METAP1D: variants seen among roughly 807,000 people sequenced by gnomAD.
METAP1D encodes the protein methionyl aminopeptidase type 1D, mitochondrial.
METAP1D carries 31 observed loss-of-function variants against 40.5 expected under a neutral mutation model. That is an observed-to-expected ratio of 0.77 (90% confidence interval 0.58 to 1.03). The LOEUF (loss-of-function observed/expected upper bound fraction) is 1.03, where lower values mean the gene tolerates loss of function less well. Among genes scored for constraint, METAP1D ranks in the 50% least tolerant of loss-of-function variants. The pLI is 0.00. For missense variants in METAP1D, 411 were observed against 420.7 expected, an observed-to-expected ratio of 0.98 and a Z score of 0.20; for synonymous variants, 151 against 146.4, an observed-to-expected ratio of 1.03 and a Z score of -0.22.
chr2:172,068,396 A>AAAAT (rs980517630), intron 5 of METAP1D, among the ~76,000 whole-genome samples: 9 of 152,264 alleles, frequency 5.9e-5, no homozygotes, highest in South Asian at 4.1e-4. Flanking sequence ...TCTGTCTCAA[A>AAAAT]AAATAAATAA....
intron 1 of METAP1D, among the ~76,000 whole-genome samples, chr2:172,023,825 A>G (rs1689059008): frequency 6.6e-6 from 1 of 151,418 alleles, no homozygotes. Context: ...TAATTGTCAA[A>G]TCTAGGTAGT....
At chr2:172,032,828 CG>C (rs1689269578) in intron 1 of METAP1D, among the ~76,000 whole-genome samples, 1 of 152,060 alleles carries the variant, frequency 6.6e-6, no homozygotes, top group East Asian at 1.9e-4. Flanking sequence ...GTTGGGAGGC[CG>C]AGGCAGGTGG....
intron 2 of METAP1D, 63 bp from the exon 3 acceptor site, chr2:172,063,648 A>C: frequency 1.5e-6 from 2 of 1,303,962 alleles, no homozygotes; most frequent in Non-Finnish European, 2.2e-6. Flanking sequence ...GCTGTGTCTG[A>C]AAAAATGATC....
At chr2:172,079,072 T>G in intron 7 of METAP1D, 143 bp from the exon 8 acceptor site, 1 of 766,696 alleles carries the variant, frequency 1.3e-6, no homozygotes, top group East Asian at 2.6e-5. Context: ...TATCCAGGAC[T>G]CCAGAAATCT....
chr2:172,079,159 T>C (rs990328881), intron 7 of METAP1D, 56 bp from the exon 8 acceptor site: 3 of 1,586,804 alleles, frequency 1.9e-6, no homozygotes, highest in Admixed American at 3.4e-5. Flanking sequence ...TAATCTGTTT[T>C]TTTTTTCTGT....
Position 172,082,304 on chromosome 2 carries a change from G to A in METAP1D, c.*1898G>A, listed in dbSNP as rs1280171662. 3 of 152,208 alleles carry A rather than the reference G, an allele frequency of 2.0e-5. No individual in the cohort carries two copies. The highest frequency in any genetic ancestry group is 7.2e-5 in the African/African-American group (3 of 41,452). 9.4% of individuals were successfully genotyped at this position (152,208 alleles called of 1,614,324 possible). ...TTTACTCCGAGGTTCCCCAAGGATA[G>A]TTTTATTAGGACCACAGGACTTTAC... On this transcript the variant is annotated 3_prime_UTR_variant, in exon 10 of 10. Coordinates refer to ENST00000315796, the MANE Select transcript of METAP1D (RefSeq NM_199227.3).
chr2:172,005,520 TTA>T (rs34982215), intron 1 of METAP1D, among the ~76,000 whole-genome samples: 2,923 of 110,854 alleles, frequency 0.026, 126 homozygotes, highest in African/African-American at 0.08. Flanking sequence ...TGTCTGTATT[TTA>T]TATATATATA....
At chr2:172,056,378 T>C (rs992827136) in intron 1 of METAP1D, among the ~76,000 whole-genome samples, 1 of 152,232 alleles carries the variant, frequency 6.6e-6, no homozygotes. Context: ...CAAGATCACA[T>C]AGCTCTTAGC....
chr2:172,016,048 G>A (rs1300165954), intron 1 of METAP1D, among the ~76,000 whole-genome samples: 1 of 149,460 alleles, frequency 6.7e-6, no homozygotes, highest in Non-Finnish European at 1.5e-5. Context: ...CTTGAGGTCA[G>A]GAGTTCGAGA....
At chr2:172,018,126 C>CAA (rs34937813) in intron 1 of METAP1D, among the ~76,000 whole-genome samples, 23 of 76,674 alleles carry the variant, frequency 3.0e-4, no homozygotes, top group East Asian at 4.2e-4. Flanking sequence ...GACTCTGTCT[C>CAA]AAAAAAAAAA....
Position 172,042,219 on chromosome 2 carries a change from A to G in METAP1D, c.41-19279A>G, listed in dbSNP as rs1458474379. ...TACACATATACATATGTATGTGTAC[A>G]TGTGTACACATATACATATGTATGT... On this transcript the variant is annotated intron_variant, in intron 1 of 9. Transcript: ENST00000315796. Among the ~76,000 whole-genome samples, 3 of 22,344 alleles carry G rather than the reference A, an allele frequency of 1.3e-4. 1 individual carries two copies. The highest frequency in any genetic ancestry group is 1.6e-4 in the African/African-American group (2 of 12,756). 14.7% of individuals were successfully genotyped at this position (22,344 alleles called of 152,430 possible). A position where few individuals can be genotyped will look rare whatever the true frequency, so the allele number is the denominator to read the frequency against.
At chr2:172,019,442 A>G (rs1670006246) in intron 1 of METAP1D, among the ~76,000 whole-genome samples, 1 of 152,062 alleles carries the variant, frequency 6.6e-6, no homozygotes, top group African/African-American at 2.4e-5. Flanking sequence ...GGGGCTGGGC[A>G]TGGTGGCTCA....
chr2:172,039,590 G>A (rs994073747), intron 1 of METAP1D, among the ~76,000 whole-genome samples: 3 of 152,084 alleles, frequency 2.0e-5, no homozygotes, highest in Non-Finnish European at 4.4e-5. Context: ...GAAGTCGTCA[G>A]GAAAGATGAG....
intron 1 of METAP1D, among the ~76,000 whole-genome samples, chr2:172,040,475 A>G (rs527639136): frequency 6.6e-6 from 1 of 152,326 alleles, no homozygotes; most frequent in South Asian, 2.1e-4. Context: ...AGGAAACTAC[A>G]TCAGGAGAGC....
In METAP1D at chr2:172,061,610, T is replaced by C. The variant is rs1690144658; in HGVS notation, c.153T>C (p.Ser51=). 2 of 1,613,630 alleles carry C rather than the reference T, an allele frequency of 1.2e-6. No individual in the cohort carries two copies. The highest frequency in any genetic ancestry group is 1.1e-5 in the South Asian group (1 of 90,944). ...FFRRQRDISH[S]IVLPAAVSSA... ...GGAGACAAAGAGATATTTCACACAGTATAGTTTTGCCGGCTGCAGTTTCTT... is the reference window on the plus strand; with the variant it reads ...GGAGACAAAGAGATATTTCACACAGCATAGTTTTGCCGGCTGCAGTTTCTT... The change falls in exon 2 of 10, where the codon AGT becomes AGC. Residue 51 remains serine (S), a synonymous_variant. Transcript: ENST00000315796.
intron 1 of METAP1D, among the ~76,000 whole-genome samples, chr2:172,025,184 G>A (rs1453219798): frequency 6.6e-6 from 1 of 152,100 alleles, no homozygotes. Flanking sequence ...ATTGTTCTAG[G>A]GCAGAGCCCA....
intron 1 of METAP1D, among the ~76,000 whole-genome samples, chr2:172,040,114 C>A (rs1475675105): frequency 4.0e-5 from 6 of 150,636 alleles, no homozygotes; most frequent in Admixed American, 3.3e-4. Context: ...CTCGCCATCA[C>A]GCCCGGCTAA....
intron 1 of METAP1D, among the ~76,000 whole-genome samples, chr2:172,035,893 C>T (rs1268798969): frequency 1.3e-5 from 2 of 152,046 alleles, no homozygotes; most frequent in African/African-American, 4.8e-5. Flanking sequence ...AGCAGTCCTC[C>T]CACCTCTGTC....
At chr2:172,066,373 G>A (rs894597815) in intron 5 of METAP1D, 67 bp downstream of exon 5, 25 of 1,329,330 alleles carry the variant, frequency 1.9e-5, no homozygotes, top group Non-Finnish European at 2.5e-5. Context: ...CAGGAAGAGT[G>A]GATTGAAAAT....
Sources: allele counts gnomAD v4.1 joint callset (sites outside exome capture counted in the v4.1 genomes callset), GRCh38; gene constraint gnomAD v4.1.1; transcripts MANE v1.5; gene names NCBI Gene and HGNC (gene_info 2026-07-23, HGNC 2026-07-21).